Variants in SMG7 observed in about 807,000 individuals in gnomAD.
SMG7 encodes the protein SMG7 nonsense mediated mRNA decay factor.
In SMG7, 34 loss-of-function variants were observed where a neutral mutation model predicts 148.2. That is an observed-to-expected ratio of 0.23 (90% CI 0.17 to 0.31). The LOEUF (loss-of-function observed/expected upper bound fraction) is 0.31. Ranked by LOEUF, SMG7 falls within the 10% of genes least tolerant of loss-of-function variation. SMG7 has a pLI of 1.00. For missense variants in SMG7, 1,114 were observed against 1,408.4 expected (o/e 0.79, Z 3.35); for synonymous variants, 492 against 515.1 (o/e 0.96, Z 0.61).
rs1181396151 is a variant in SMG7 at position 183,541,170 on chromosome 1, GCGCGCGCACACACACA to G, written c.1415+69_1415+84del. The G allele has an allele frequency of 8.1e-6, 11 of 1,356,590 alleles. No homozygotes were observed. In the East Asian group the frequency reaches 2.1e-4, roughly 26 times the overall value. The allele number at this position is 1,356,590 out of a possible 1,614,324, so 84.0% of individuals were successfully genotyped here. ...TTTAGATAAACACATGCGCGCACAC[GCGCGCGCACACACACA>G]CATCTCATATGTTACGTATTTTAGG... On this transcript the variant is annotated intron_variant, in intron 13 of 22. Coordinates refer to ENST00000688051, the MANE Select transcript of SMG7 (RefSeq NM_001375584.1).
intron 1 of SMG7, among the ~76,000 whole-genome samples, chr1:183,497,776 G>C (rs140770571): frequency 0.014 from 2,128 of 152,090 alleles, 52 homozygotes; most frequent in African/African-American, 0.048. Context: ...TCACCATCTT[G>C]GCCAGGCTGG....
intron 1 of SMG7, among the ~76,000 whole-genome samples, chr1:183,511,011 T>C (rs749015652): frequency 1.9e-4 from 29 of 150,912 alleles, no homozygotes; most frequent in Non-Finnish European, 3.0e-4. Context: ...AAAATGGAAA[T>C]CTCAGCCTGG....
intron 1 of SMG7, among the ~76,000 whole-genome samples, chr1:183,482,880 T>G (rs569212474): frequency 6.6e-6 from 1 of 152,084 alleles, no homozygotes; most frequent in Non-Finnish European, 1.5e-5. Flanking sequence ...ATTTATAGAA[T>G]CCTCACCTTG....
intron 1 of SMG7, among the ~76,000 whole-genome samples, chr1:183,507,714 TGTA>T (rs1262087015): frequency 1.3e-5 from 2 of 152,214 alleles, no homozygotes; most frequent in East Asian, 3.8e-4. Flanking sequence ...CTACCTCTTC[TGTA>T]GTACCTGTAG....
intron 1 of SMG7, among the ~76,000 whole-genome samples, chr1:183,480,985 A>G (rs1273944024): frequency 6.6e-6 from 1 of 152,178 alleles, no homozygotes; most frequent in East Asian, 1.9e-4. Flanking sequence ...AAAGGTTTAC[A>G]TGTGTTTAAC....
At position 183,472,594 on chromosome 1, in the gene SMG7, G is replaced by A; in HGVS notation, c.-27G>A. 7.0e-7 allele frequency: 1 copy of A among 1,436,396 alleles called. No homozygotes were observed. 89.0% of individuals were successfully genotyped at this position (1,436,396 alleles called of 1,614,324 possible). A position where few individuals can be genotyped will look rare whatever the true frequency, so the allele number is the denominator to read the frequency against. On this transcript the variant is annotated 5_prime_UTR_variant, in exon 1 of 23. Transcript: ENST00000688051. ...CCTGAGAGACCCACGGAGGCTTCGC[G>A]GGAAGACGCGGCGGCGGCGGCGGAG...
rs1014264806 is a variant in SMG7, at chr1:183,517,825, G to A, written c.312+5G>A. Reference sequence around the variant, plus strand: ...GCTAGTGGCTTCTATACTCAGGTGAGTTCTGCATTGTATACCAGTTTTCTT... The same window carrying A: ...GCTAGTGGCTTCTATACTCAGGTGAATTCTGCATTGTATACCAGTTTTCTT... On this transcript the variant is annotated splice_donor_5th_base_variant and intron_variant, in intron 4 of 22. Transcript: ENST00000688051. 1.9e-6 allele frequency: 3 copies of A among 1,613,944 alleles called. No homozygotes were observed. The highest frequency in any genetic ancestry group is 1.7e-4 in the Middle Eastern group (1 of 6,060).
chr1:183,498,202 C>T (rs1225951776), intron 1 of SMG7, among the ~76,000 whole-genome samples: 2 of 152,030 alleles, frequency 1.3e-5, no homozygotes, highest in East Asian at 3.9e-4. Context: ...TTATTTCTCC[C>T]TAATCTAAAA....
At position 183,541,011 on chromosome 1, in the gene SMG7, G is replaced by A; in HGVS notation, c.1323G>A (p.Gln441=). The change falls in exon 13 of 23, where the codon CAG becomes CAA. Residue 441 remains glutamine (Q), a synonymous_variant. Coordinates refer to ENST00000688051, the MANE Select transcript of SMG7 (RefSeq NM_001375584.1). The part of the protein sequence containing the change: ...FRNLDFSKGH[Q]GITGDKEGQQ... ...ACTTGGATTTTTCCAAAGGTCACCA[G>A]GGTATTACAGGGGACAAAGAAGGCC... 1 of 1,613,420 alleles carries A rather than the reference G, an allele frequency of 6.2e-7. No homozygotes were observed. The highest frequency in any genetic ancestry group is 1.1e-5 in the South Asian group (1 of 91,052).
rs1670039840 is a variant in SMG7, at chr1:183,546,997, A to T, written c.2743-106A>T. The stretch of plus-strand genomic sequence containing the variant: ...CTCTTTGCCTAATACCATCTATCTC[A>T]CTATCCCCTTGACTTTAGTTGTCTT... On this transcript the variant is annotated intron_variant, in intron 17 of 22. Coordinates refer to ENST00000688051, the MANE Select transcript of SMG7 (RefSeq NM_001375584.1). The T allele has an allele frequency of 9.1e-6, 10 of 1,103,118 alleles. No individual in the cohort carries two copies. The South Asian group carries it at 1.5e-4, about 17-fold the overall frequency. The allele number at this position is 1,103,118 out of a possible 1,614,324, so 68.3% of individuals were successfully genotyped here. A position where few individuals can be genotyped will look rare whatever the true frequency, so the allele number is the denominator to read the frequency against.
chr1:183,527,746 T>C lies in SMG7; in HGVS notation c.485-210T>C. 1 of 575,390 alleles carries C rather than the reference T, an allele frequency of 1.7e-6. No homozygotes were observed. The highest frequency in any genetic ancestry group is 3.4e-6 in the Non-Finnish European group (1 of 295,540). 35.6% of individuals were successfully genotyped at this position (575,390 alleles called of 1,614,324 possible). On this transcript the variant is annotated intron_variant, in intron 5 of 22. Coordinates refer to ENST00000688051, the MANE Select transcript of SMG7 (RefSeq NM_001375584.1). The surrounding 1 kb of genome is among the most constrained non-coding windows in gnomAD (Gnocchi z 4.0). ...ATGGGGTCTAGGTAAGCTTTAAAAT[T>C]GGTTACATGCTGAATGTCCCAAATA...
intron 7 of SMG7, 106 bp downstream of exon 7, chr1:183,529,148 T>G: frequency 9.0e-7 from 1 of 1,108,092 alleles, no homozygotes; most frequent in Non-Finnish European, 1.3e-6. Flanking sequence ...ATGCTTCTCT[T>G]ATTTCTAAAC....
chr1:183,521,771 C>CAGG (rs1664821150), intron 4 of SMG7, among the ~76,000 whole-genome samples: 1 of 149,964 alleles, frequency 6.7e-6, no homozygotes, highest in African/African-American at 2.5e-5. Context: ...GAAGCTGAGG[C>CAGG]AGGAGGATCA....
intron 12 of SMG7, 45 bp from the exon 13 acceptor site, chr1:183,540,939 C>A (rs746762343): frequency 1.2e-6 from 2 of 1,600,572 alleles, no homozygotes; most frequent in East Asian, 4.5e-5. Context: ...TGGAAAATAT[C>A]TTTAGCAATT....
intron 4 of SMG7, among the ~76,000 whole-genome samples, chr1:183,522,759 G>A (rs1044826068): frequency 6.6e-6 from 1 of 151,630 alleles, no homozygotes; most frequent in African/African-American, 2.4e-5. Context: ...CATTTTCTGT[G>A]AAGATAGTTT....
At chr1:183,500,928 C>A (rs1011876654) in intron 1 of SMG7, among the ~76,000 whole-genome samples, 1 of 152,118 alleles carries the variant, frequency 6.6e-6, no homozygotes, top group Admixed American at 6.6e-5. Flanking sequence ...CACTAAAGTG[C>A]GACTAAAGTC....
chr1:183,494,433 A>G (rs1457596292), intron 1 of SMG7, among the ~76,000 whole-genome samples: 1 of 150,312 alleles, frequency 6.7e-6, no homozygotes, highest in Non-Finnish European at 1.5e-5. Flanking sequence ...GAAAAAAGTT[A>G]TTTTATATTT....
chr1:183,551,843 A>G lies in SMG7; in HGVS notation c.3476A>G (p.His1159Arg), dbSNP rs1419809466. 4 of 1,613,416 alleles carry G rather than the reference A, an allele frequency of 2.5e-6. No individual in the cohort carries two copies. Among genetic ancestry groups the G allele is most frequent in the Middle Eastern group, 1.6e-4 (1 of 6,078 alleles). The change falls in exon 23 of 23, where the codon CAT becomes CGT. Residue 1159 changes from histidine to arginine, a missense_variant. Around this residue, in one of 4 missense-constraint regions of SMG7, gnomAD observed 788 missense variants for 894.5 expected, o/e 0.88. Transcript: ENST00000688051. The part of the protein sequence containing the change: ...LKSIWSSSMM[H>R]PGPSALEQLL... ...TCTATCTGGTCCAGTTCCATGATGCATCCTGGACCTTCTGCTCTGGAGCAG... is the reference window on the plus strand; with the variant it reads ...TCTATCTGGTCCAGTTCCATGATGCGTCCTGGACCTTCTGCTCTGGAGCAG...
chr1:183,508,106 CTCTG>C (rs1661327343), intron 1 of SMG7: 1 of 956,738 alleles, frequency 1.0e-6, no homozygotes, highest in African/African-American at 1.8e-5. Context: ...GTTCTTGCCT[CTCTG>C]TATGAGCATT....
Sources: allele counts gnomAD v4.1 joint callset (sites outside exome capture counted in the v4.1 genomes callset), GRCh38; gene constraint gnomAD v4.1.1; regional missense constraint gnomAD v4.1.1; non-coding constraint Gnocchi (gnomAD v3.1); transcripts MANE v1.5; gene names NCBI Gene and HGNC (gene_info 2026-07-23, HGNC 2026-07-21).